The following DCTPP1 variants were observed in gnomAD, a reference collection of about 807,000 sequenced individuals.
The protein encoded by DCTPP1 is dCTP pyrophosphatase 1, also known as XTP3-transactivated gene A protein.
A neutral mutation model predicts 8.8 loss-of-function variants in DCTPP1; 8 were observed. The observed-to-expected ratio is 0.91, with a 90% confidence interval of 0.54 to 1.64. The LOEUF (loss-of-function observed/expected upper bound fraction) is 1.64. DCTPP1 is among the 40% of genes most tolerant of loss of function. DCTPP1 has a pLI of 0.00. For synonymous variants in DCTPP1, 85 were observed against 92.1 expected (o/e 0.92, Z 0.44); for missense variants, 231 against 230.4 (o/e 1.00, Z -0.02).
intron 2 of DCTPP1, among the ~76,000 whole-genome samples, chr16:30,425,099 C>G (rs554656350): frequency 6.6e-6 from 1 of 152,224 alleles, no homozygotes; most frequent in African/African-American, 2.4e-5. Flanking sequence ...AGGCTGGTCT[C>G]GAACTCCTGA....
intron 1 of DCTPP1, 94 bp from the exon 2 acceptor site, chr16:30,429,261 C>G: frequency 1.6e-6 from 2 of 1,247,066 alleles, no homozygotes; most frequent in Non-Finnish European, 2.3e-6. Flanking sequence ...GTAATGGGGC[C>G]TGGGACCAGG....
Position 30,429,951 on chromosome 16 carries a change from C to T in DCTPP1, c.30G>A (p.Gly10=). 1 of 1,582,752 alleles carries T rather than the reference C, an allele frequency of 6.3e-7. No homozygotes were observed. The highest frequency in any genetic ancestry group is 1.1e-5 in the South Asian group (1 of 88,446). ...CAGCAGTGTCCTCTCCCCCCGTGTCCCCACGAATCTCCCCACCGGCCACAG... is the reference window on the plus strand; with the variant it reads ...CAGCAGTGTCCTCTCCCCCCGTGTCTCCACGAATCTCCCCACCGGCCACAG... The part of the protein sequence containing the change: MSVAGGEIR[G]DTGGEDTAAP... The change falls in exon 1 of 3, where the codon GGG becomes GGA. Residue 10 remains glycine (G), a synonymous_variant. Transcript: ENST00000319285.
In DCTPP1 at chr16:30,424,336, G is replaced by A. The variant is rs951901812; in HGVS notation, c.410C>T (p.Ser137Phe). 8 of 1,614,154 alleles carry A rather than the reference G, an allele frequency of 5.0e-6. No individual in the cohort carries two copies. The highest frequency in any genetic ancestry group is 1.3e-5 in the African/African-American group (1 of 74,960). Residue 137 changes from serine (S) to phenylalanine (F), a missense_variant, in exon 3 of 3, where the codon TCT becomes TTT. Physicochemically the swap from Ser to Phe is radical, Grantham distance 155. Coordinates refer to ENST00000319285, the MANE Select transcript of DCTPP1 (RefSeq NM_024096.2). Reference protein sequence around the residue: ...RRYPAHLARSSSRKYTELPHG... With the variant: ...RRYPAHLARSFSRKYTELPHG... Reference sequence around the variant, plus strand: ...GGGCAATTCTGTATACTTGCGGGAAGAGCTGCGGGCCAGATGGGCTGGGTA... The same window carrying A: ...GGGCAATTCTGTATACTTGCGGGAAAAGCTGCGGGCCAGATGGGCTGGGTA...
chr16:30,426,611 A>G (rs1304739256), intron 2 of DCTPP1, among the ~76,000 whole-genome samples: 1 of 151,744 alleles, frequency 6.6e-6, no homozygotes, highest in Non-Finnish European at 1.5e-5. Context: ...AGCTGTGATT[A>G]TAGGCGCCTG....
intron 2 of DCTPP1, 67 bp downstream of exon 2, chr16:30,428,990 C>A: frequency 1.4e-6 from 2 of 1,479,170 alleles, no homozygotes; most frequent in South Asian, 1.3e-5. Context: ...TGTTTGAAGA[C>A]CAAATAAATG....
chr16:30,428,777 C>CA (rs539281868), intron 2 of DCTPP1: 11 of 417,510 alleles, frequency 2.6e-5, no homozygotes, highest in East Asian at 2.5e-4. Context: ...AAAAAAAAGC[C>CA]AAAAAAACAA....
chr16:30,428,943 G>A, intron 2 of DCTPP1, 114 bp downstream of exon 2: 1 of 1,139,126 alleles, frequency 8.8e-7, no homozygotes, highest in Non-Finnish European at 1.3e-6. Flanking sequence ...CAACAGCAAA[G>A]AGCCTAGCAA....
chr16:30,425,700 T>G (rs915761262), intron 2 of DCTPP1, among the ~76,000 whole-genome samples: 6 of 151,854 alleles, frequency 4.0e-5, no homozygotes, highest in Non-Finnish European at 7.4e-5. Context: ...TCTCAGCTAC[T>G]TGGGAGGCTG....
chr16:30,427,176 AT>A (rs1245350972), intron 2 of DCTPP1, among the ~76,000 whole-genome samples: 1 of 136,320 alleles, frequency 7.3e-6, no homozygotes, highest in South Asian at 2.3e-4. Context: ...CGCCCGGCTA[AT>A]TTTTTTGTAT....
chr16:30,424,561 A>G, intron 2 of DCTPP1, 28 bp from the exon 3 acceptor site: 2 of 1,605,056 alleles, frequency 1.2e-6, no homozygotes, highest in Non-Finnish European at 1.7e-6. Flanking sequence ...ACAGACACAC[A>G]CTCAGATGTA....
At position 30,429,126 on chromosome 16, in the gene DCTPP1, TC is replaced by T; in HGVS notation, c.142del (p.Glu48AsnfsTer59). On this transcript the variant is annotated frameshift_variant, in exon 2 of 3. Coordinates refer to ENST00000319285, the MANE Select transcript of DCTPP1 (RefSeq NM_024096.2). LOFTEE classifies it high-confidence loss of function. ...GAGATTCCGAGGCTGATGGAACTGT[TC>T]CCAGTCTCGTTCCGCAGCAAACTCA... ...HAEFAAERDW[E>X]QFHQPRNLLL... is the part of the protein sequence containing the mutation. 2 of 1,613,882 alleles carry T rather than the reference TC, an allele frequency of 1.2e-6. No homozygotes were observed. The highest frequency in any genetic ancestry group is 8.5e-7 in the Non-Finnish European group (1 of 1,179,944).
chr16:30,429,441 C>A, intron 1 of DCTPP1: 1 of 434,324 alleles, frequency 2.3e-6, no homozygotes, highest in Non-Finnish European at 4.1e-6. Context: ...TCTGCAGTTT[C>A]CTCCACCTGG....
rs143083714 is a variant in DCTPP1, at chr16:30,424,415, G to A, written c.331C>T (p.Arg111Cys). The A allele has an allele frequency of 4.0e-5, 64 of 1,614,174 alleles. No homozygotes were observed. Among genetic ancestry groups the A allele is most frequent in the East Asian group, 2.7e-4 (12 of 44,874 alleles). The change falls in exon 3 of 3, where the codon CGT (arginine) becomes TGT (cysteine). Residue 111 changes from arginine (R) to cysteine (C), a missense_variant. By Grantham distance (180) the Arg-to-Cys change is radical. Coordinates refer to ENST00000319285, the MANE Select transcript of DCTPP1 (RefSeq NM_024096.2). Reference protein sequence around the residue: ...IYLVALAARCRVDLPLAVLSK... With the variant: ...IYLVALAARCCVDLPLAVLSK... ...AGCACTGCTAGCGGCAGATCCACAC[G>A]GCAGCGGGCTGCTAATGCCACCAGG...
intron 2 of DCTPP1, among the ~76,000 whole-genome samples, chr16:30,425,658 A>T (rs2050188703): frequency 6.6e-6 from 1 of 152,072 alleles, no homozygotes; most frequent in Non-Finnish European, 1.5e-5. Flanking sequence ...AGAAAATACG[A>T]ATTAGTTAGG....
rs752645482 is a variant in DCTPP1, at chr16:30,429,153, G to A, written c.116C>T (p.Ala39Val). Residue 39 changes from alanine (A) to valine (V), a missense_variant, in exon 2 of 3, where the codon GCT (alanine) becomes GTT (valine). By Grantham distance (64) the Ala-to-Val change is moderately conservative. Coordinates refer to ENST00000319285, the MANE Select transcript of DCTPP1 (RefSeq NM_024096.2). ...PTLEDIRRLHAEFAAERDWEQ... is the reference protein window; with the variant it reads ...PTLEDIRRLHVEFAAERDWEQ... Reference sequence around the variant, plus strand: ...CCAGTCTCGTTCCGCAGCAAACTCAGCATGGAGGCGGCGGCTGAAATAGGA... The same window carrying A: ...CCAGTCTCGTTCCGCAGCAAACTCAACATGGAGGCGGCGGCTGAAATAGGA... 2 of 1,614,036 alleles carry A rather than the reference G, an allele frequency of 1.2e-6. No homozygotes were observed. Among genetic ancestry groups the A allele is most frequent in the East Asian group, 2.2e-5 (1 of 44,886 alleles).
chr16:30,425,175 C>T (rs924143192), intron 2 of DCTPP1, among the ~76,000 whole-genome samples: 3 of 152,286 alleles, frequency 2.0e-5, no homozygotes, highest in South Asian at 2.1e-4. Flanking sequence ...CCACCGCACC[C>T]GGCCCACACC....
chr16:30,429,191 AG>A (rs2050210742), intron 1 of DCTPP1, 24 bp from the exon 2 acceptor site: 2 of 1,613,194 alleles, frequency 1.2e-6, no homozygotes, highest in Non-Finnish European at 1.7e-6. Context: ...AAGGAGTGTA[AG>A]TCCAAGTCTC....
intron 2 of DCTPP1, chr16:30,428,832 G>C (rs1294634774): frequency 4.6e-6 from 2 of 438,448 alleles, no homozygotes; most frequent in South Asian, 1.1e-4. Flanking sequence ...CTTCTTCCTA[G>C]ACGGGACCTG....
At chr16:30,425,198 C>A (rs956853398) in intron 2 of DCTPP1, among the ~76,000 whole-genome samples, 22 of 152,102 alleles carry the variant, frequency 1.4e-4, no homozygotes, top group African/African-American at 5.3e-4. Flanking sequence ...CTTTTAAAAG[C>A]ACAAATCAGG....
Sources: gnomAD v4.1 joint callset for allele counts (sites outside exome capture counted in the v4.1 genomes callset) on GRCh38, gnomAD v4.1.1 for gene constraint, MANE v1.5 for transcripts, NCBI Gene and HGNC (gene_info 2026-07-23, HGNC 2026-07-21) for gene names.